Variants in EPHA4 observed in about 807,000 individuals in gnomAD.
EPHA4 encodes ephrin type-A receptor 4.
In EPHA4, 19 loss-of-function variants were observed where a neutral mutation model predicts 108.3. That is an observed-to-expected ratio of 0.18 (90% confidence interval 0.12 to 0.26). The LOEUF (loss-of-function observed/expected upper bound fraction) is 0.26, where lower values mean the gene tolerates loss of function less well. EPHA4 is among the 10% of genes least tolerant of loss of function. The probability of loss-of-function intolerance (pLI) is 1.00; values close to 1 mark genes in which losing one functional copy is unlikely to be tolerated. For missense variants in EPHA4, 917 were observed against 1,254.0 expected, an observed-to-expected ratio of 0.73 and a Z score of 4.06; for synonymous variants, 449 against 455.5, an observed-to-expected ratio of 0.99 and a Z score of 0.18.
At chr2:221,530,286 TCTGTATAAA>T (rs1413505183) in intron 3 of EPHA4, among the ~76,000 whole-genome samples, 2 of 152,286 alleles carry the variant, frequency 1.3e-5, no homozygotes, top group African/African-American at 4.8e-5. Context: ...TTATTAAGGA[TCTGTATAAA>T]CATTAAGGCA....
chr2:221,526,756 A>G (rs188960407), intron 3 of EPHA4, among the ~76,000 whole-genome samples: 1 of 149,706 alleles, frequency 6.7e-6, no homozygotes, highest in East Asian at 2.0e-4. Context: ...CTGAGGCAGG[A>G]GAATTGCTCG....
intron 7 of EPHA4, 148 bp downstream of exon 7, chr2:221,456,465 G>T: frequency 2.9e-6 from 2 of 680,644 alleles, no homozygotes; most frequent in Non-Finnish European, 4.7e-6. Context: ...TACAGACATT[G>T]GCTAACTTAT....
Position 221,571,503 on chromosome 2 carries a change from G to A in EPHA4, c.91+655C>T, listed in dbSNP as rs6757033. On this transcript the variant is annotated intron_variant, in intron 1 of 17. Transcript: ENST00000281821. The surrounding 1 kb of genome is among the most constrained non-coding windows in gnomAD (Gnocchi z 6.3). Reference sequence around the variant, plus strand: ...TCGACTGCGTTCAACTTGCCGGCGGGTTCCCCAAGTCTGCGGGGCGAAGAG... The same window carrying A: ...TCGACTGCGTTCAACTTGCCGGCGGATTCCCCAAGTCTGCGGGGCGAAGAG... 0.14 allele frequency among the ~76,000 whole-genome samples: 20,703 copies of A among 152,270 alleles called. 1,699 individuals carry two copies. Among genetic ancestry groups the A allele is most frequent in the Middle Eastern group, 0.27 (78 of 294 alleles).
intron 3 of EPHA4, among the ~76,000 whole-genome samples, chr2:221,562,662 A>G (rs1178855552): frequency 1.3e-5 from 2 of 152,252 alleles, no homozygotes; most frequent in African/African-American, 4.8e-5. Context: ...TGTAGTAACC[A>G]TAATGGATTG....
intron 5 of EPHA4, among the ~76,000 whole-genome samples, chr2:221,458,916 A>C (rs533666874): frequency 6.6e-6 from 1 of 152,282 alleles, no homozygotes; most frequent in South Asian, 2.1e-4. Flanking sequence ...GAGATTAGGG[A>C]GCTTCCTAAC....
At chr2:221,522,021 C>A (rs1413664797) in intron 3 of EPHA4, among the ~76,000 whole-genome samples, 3 of 152,014 alleles carry the variant, frequency 2.0e-5, no homozygotes, top group African/African-American at 7.2e-5. Context: ...AAACAAAAAA[C>A]CCAAAATAGG....
At chr2:221,432,666 C>T (rs1362450863) in intron 14 of EPHA4, among the ~76,000 whole-genome samples, 2 of 147,892 alleles carry the variant, frequency 1.4e-5, no homozygotes, top group African/African-American at 2.5e-5. Flanking sequence ...TTTTTTGAGA[C>T]AGAGTCTCAT....
chr2:221,456,835 G>A (rs931873418), intron 6 of EPHA4, 63 bp from the exon 7 acceptor site: 5 of 1,587,068 alleles, frequency 3.2e-6, no homozygotes, highest in Admixed American at 3.4e-5. Flanking sequence ...TACTTACTAG[G>A]TGCAATATTA....
Position 221,444,723 on chromosome 2 carries a change from A to G in EPHA4, c.1775-1117T>C, listed in dbSNP as rs10172715. ...CTTCAAGATGAGTCTTGTTATTCCC[A>G]GTCCCTCTCTTTTTTTCTATCTTTT... On this transcript the variant is annotated intron_variant, in intron 9 of 17. Coordinates refer to ENST00000281821, the MANE Select transcript of EPHA4 (RefSeq NM_004438.5). Among the ~76,000 whole-genome samples, 547 of 142,318 alleles carry G rather than the reference A, an allele frequency of 3.8e-3. 4 individuals carry two copies. Among genetic ancestry groups the G allele is most frequent in the African/African-American group, 0.013 (523 of 39,138 alleles). 93.4% of individuals were successfully genotyped at this position (142,318 alleles called of 152,430 possible).
At chr2:221,426,390 G>A (rs545099593) in intron 16 of EPHA4, 74 bp downstream of exon 16, 31 of 1,497,346 alleles carry the variant, frequency 2.1e-5, no homozygotes, top group African/African-American at 7.0e-5. Flanking sequence ...GGATGATTAC[G>A]CAGCTCAAAG....
intron 10 of EPHA4, 105 bp downstream of exon 10, chr2:221,443,388 T>TAC (rs1574567094): frequency 1.3e-6 from 1 of 788,828 alleles, no homozygotes; most frequent in African/African-American, 1.8e-5. Context: ...TTCATGTATA[T>TAC]ACACACATAT....
At chr2:221,474,687 CT>C (rs1691605466) in intron 5 of EPHA4, among the ~76,000 whole-genome samples, 1 of 152,130 alleles carries the variant, frequency 6.6e-6, no homozygotes, top group Admixed American at 6.6e-5. Flanking sequence ...GCTTTGTTGT[CT>C]GTTTGAAGGA....
chr2:221,444,744 C>CTTTTTTTTTTT (rs71266317), intron 9 of EPHA4, among the ~76,000 whole-genome samples: 2 of 74,986 alleles, frequency 2.7e-5, no homozygotes, highest in Non-Finnish European at 4.8e-5. Context: ...TTTTTTCTAT[C>CTTTTTTTTTTT]TTTTTTTTTT....
intron 8 of EPHA4, among the ~76,000 whole-genome samples, chr2:221,447,112 CT>C (rs2106109657): frequency 6.6e-6 from 1 of 152,248 alleles, no homozygotes; most frequent in East Asian, 1.9e-4. Flanking sequence ...ATATATATCA[CT>C]TAAAGGAATC....
intron 5 of EPHA4, among the ~76,000 whole-genome samples, chr2:221,477,530 G>C (rs533044631): frequency 6.6e-6 from 1 of 152,228 alleles, no homozygotes; most frequent in Non-Finnish European, 1.5e-5. Context: ...ACCAAAAATT[G>C]CCTCTAAACA....
intron 2 of EPHA4, among the ~76,000 whole-genome samples, chr2:221,564,647 T>C (rs1694570906): frequency 6.6e-6 from 1 of 152,120 alleles, no homozygotes; most frequent in South Asian, 2.1e-4. Context: ...ATTTACTGCT[T>C]GTGAGTTCTC....
At chr2:221,512,081 T>A (rs1692849712) in intron 3 of EPHA4, among the ~76,000 whole-genome samples, 1 of 152,176 alleles carries the variant, frequency 6.6e-6, no homozygotes, top group Non-Finnish European at 1.5e-5. Flanking sequence ...ATAAATTAAT[T>A]CTATTGGAGA....
chr2:221,446,406 A>G (rs1194328009), intron 8 of EPHA4, among the ~76,000 whole-genome samples: 1 of 152,090 alleles, frequency 6.6e-6, no homozygotes, highest in East Asian at 1.9e-4. Context: ...ACAATTTTAA[A>G]CTGAGGTGTC....
Position 221,529,603 on chromosome 2 carries a change from C to A in EPHA4, c.824-28431G>T, listed in dbSNP as rs542708990. ...ATCCTCCAGTATCAAATCTGTGACT[C>A]CAAATAAATGGAGAGGTCATTATCA... On this transcript the variant is annotated intron_variant, in intron 3 of 17. Coordinates refer to ENST00000281821, the MANE Select transcript of EPHA4 (RefSeq NM_004438.5). 4.6e-5 allele frequency among the ~76,000 whole-genome samples: 7 copies of A among 152,272 alleles called. No individual in the cohort carries two copies. In the South Asian group the frequency reaches 1.5e-3, roughly 32 times the overall value.
Sources: allele counts gnomAD v4.1 joint callset (sites outside exome capture counted in the v4.1 genomes callset), GRCh38; gene constraint gnomAD v4.1.1; non-coding constraint Gnocchi (gnomAD v3.1); transcripts MANE v1.5; gene names NCBI Gene and HGNC (gene_info 2026-07-23, HGNC 2026-07-21).